The following LGR5 variants were observed in gnomAD, a reference collection of about 807,000 sequenced individuals.
LGR5 encodes leucine-rich repeat-containing G protein-coupled receptor 5.
A neutral mutation model predicts 76.7 loss-of-function variants in LGR5; 54 were observed. The observed-to-expected ratio is 0.70, with a 90% confidence interval of 0.57 to 0.88. The LOEUF (loss-of-function observed/expected upper bound fraction) is 0.88. Ranked by LOEUF, LGR5 falls within the 40% of genes least tolerant of loss-of-function variation. LGR5 has a pLI of 0.00. For missense variants in LGR5, 1,078 were observed against 1,073.3 expected, an observed-to-expected ratio of 1.00 and a Z score of -0.06; for synonymous variants, 406 against 421.9, an observed-to-expected ratio of 0.96 and a Z score of 0.46.
intron 3 of LGR5, among the ~76,000 whole-genome samples, chr12:71,525,478 T>A (rs1452961262): frequency 2.0e-5 from 3 of 151,752 alleles, no homozygotes; most frequent in Non-Finnish European, 4.4e-5. Context: ...TAATTCCTTA[T>A]GTGGTAAAAT....
rs538197568 is a variant in LGR5 at position 71,586,113 on chromosome 12, C to T, written c.*1379C>T. Reference sequence around the variant, plus strand: ...TATTACTATAGTAAAGGTTCAGTAACATTAAGGACCATGATAATGATAATA... The same window carrying T: ...TATTACTATAGTAAAGGTTCAGTAATATTAAGGACCATGATAATGATAATA... On this transcript the variant is annotated 3_prime_UTR_variant, in exon 18 of 18. Transcript: ENST00000266674. 7.2e-5 allele frequency: 11 copies of T among 152,060 alleles called. No homozygotes were observed. Among genetic ancestry groups the T allele is most frequent in the Non-Finnish European group, 1.5e-4 (10 of 68,004 alleles). The allele number at this position is 152,060 out of a possible 1,614,324, so 9.4% of individuals were successfully genotyped here. A position where few individuals can be genotyped will look rare whatever the true frequency, so the allele number is the denominator to read the frequency against.
intron 16 of LGR5, chr12:71,582,243 C>T (rs1879122665): frequency 2.1e-6 from 1 of 482,602 alleles, no homozygotes; most frequent in Admixed American, 3.4e-5. Context: ...TCTTGGGTCA[C>T]TCTCCCTCAC....
At chr12:71,445,465 C>T (rs1157520669) in intron 1 of LGR5, among the ~76,000 whole-genome samples, 2 of 152,212 alleles carry the variant, frequency 1.3e-5, no homozygotes, top group South Asian at 2.1e-4. Context: ...CTTTAATCCA[C>T]ACTTTAATTT....
Position 71,584,459 on chromosome 12 carries a change from C to T in LGR5, c.2449C>T (p.Pro817Ser). 6.2e-7 allele frequency: 1 copy of T among 1,614,184 alleles called. No homozygotes were observed. Among genetic ancestry groups the T allele is most frequent in the East Asian group, 2.2e-5 (1 of 44,884 alleles). Residue 817 changes from proline to serine, a missense_variant, in exon 18 of 18, where the codon CCC becomes TCC. Coordinates refer to ENST00000266674, the MANE Select transcript of LGR5 (RefSeq NM_003667.4). ...VVVPLPACLN[P>S]LLYILFNPHF... The stretch of plus-strand genomic sequence containing the variant: ...AGTCCCACTTCCTGCATGTCTCAAT[C>T]CCCTTCTCTACATCTTGTTCAATCC...
At chr12:71,540,573 T>C (rs181118661) in intron 4 of LGR5, among the ~76,000 whole-genome samples, 13 of 152,246 alleles carry the variant, frequency 8.5e-5, no homozygotes, top group African/African-American at 2.9e-4. Flanking sequence ...AAAATGTCAA[T>C]AACTTCATCG....
chr12:71,504,577 T>C (rs753915471), intron 1 of LGR5, 37 bp from the exon 2 acceptor site: 39 of 1,544,022 alleles, frequency 2.5e-5, no homozygotes, highest in Non-Finnish European at 3.0e-5. Context: ...GTGGTGGCAT[T>C]TGCTGCTCCT....
chr12:71,488,007 A>G (rs947276921), intron 1 of LGR5, among the ~76,000 whole-genome samples: 3 of 152,220 alleles, frequency 2.0e-5, no homozygotes, highest in Non-Finnish European at 4.4e-5. Flanking sequence ...AAGCTTTTTT[A>G]GAAAGCCAGT....
chr12:71,566,793 T>C, intron 10 of LGR5, 48 bp from the exon 11 acceptor site: 1 of 1,586,062 alleles, frequency 6.3e-7, no homozygotes. Context: ...AATATGTCAC[T>C]GTGTGATGCC....
chr12:71,581,317 T>C (rs894849437), intron 16 of LGR5, among the ~76,000 whole-genome samples: 2 of 152,240 alleles, frequency 1.3e-5, no homozygotes, highest in African/African-American at 4.8e-5. Context: ...TTTCCTTGAA[T>C]TAAGACGTTA....
At chr12:71,443,163 C>T (rs1871841707) in intron 1 of LGR5, among the ~76,000 whole-genome samples, 1 of 152,216 alleles carries the variant, frequency 6.6e-6, no homozygotes, top group African/African-American at 2.4e-5. Context: ...CAGCTGTACA[C>T]ATTTGGCAAG....
chr12:71,525,201 T>C (rs899597083), intron 3 of LGR5, among the ~76,000 whole-genome samples: 1 of 152,146 alleles, frequency 6.6e-6, no homozygotes, highest in African/African-American at 2.4e-5. Context: ...TTTTCTTTCT[T>C]TGACATAAAA....
At chr12:71,455,660 C>T (rs1872440892) in intron 1 of LGR5, among the ~76,000 whole-genome samples, 4 of 152,170 alleles carry the variant, frequency 2.6e-5, no homozygotes, top group Admixed American at 1.3e-4. Context: ...AGCAAAACCT[C>T]GTGCTGAGAA....
chr12:71,463,977 G>A (rs1872769384), intron 1 of LGR5, among the ~76,000 whole-genome samples: 1 of 152,082 alleles, frequency 6.6e-6, no homozygotes, highest in South Asian at 2.1e-4. Context: ...TGTCTCAGAG[G>A]TTAGCTGATA....
rs557130579 is a variant in LGR5, at chr12:71,529,439, G to A, written c.356+4962G>A. ...TATCATGAGAACAGCATGGCAGAAA[G>A]CGCCCCCATGATTCAATCACCTCCC... On this transcript the variant is annotated intron_variant, in intron 3 of 17. Transcript: ENST00000266674. Among the ~76,000 whole-genome samples, 5 of 152,238 alleles carry A rather than the reference G, an allele frequency of 3.3e-5. No homozygotes were observed. The South Asian group carries it at 1.0e-3, about 32-fold the overall frequency.
At chr12:71,501,469 C>T (rs1236442170) in intron 1 of LGR5, among the ~76,000 whole-genome samples, 1 of 152,182 alleles carries the variant, frequency 6.6e-6, no homozygotes, top group Non-Finnish European at 1.5e-5. Context: ...TCCTCTCTAA[C>T]AGCCAAACAT....
chr12:71,475,997 G>GC (rs1407636077), intron 1 of LGR5, among the ~76,000 whole-genome samples: 2 of 152,114 alleles, frequency 1.3e-5, no homozygotes, highest in African/African-American at 4.8e-5. Context: ...ATATGTTGGG[G>GC]ATTGACACGC....
In LGR5 at chr12:71,504,128, T is replaced by A. The variant is rs149576615; in HGVS notation, c.213-486T>A. ...AGAAGGAGGGAATAGGCTTTTTGTC[T>A]TGTTTTGTTGTTGTTGTTGTTTTAA... On this transcript the variant is annotated intron_variant, in intron 1 of 17. Transcript: ENST00000266674. Among the ~76,000 whole-genome samples, 411 of 152,106 alleles carry A rather than the reference T, an allele frequency of 2.7e-3. 3 individuals carry two copies. The highest frequency in any genetic ancestry group is 9.3e-3 in the African/African-American group (386 of 41,380).
intron 4 of LGR5, among the ~76,000 whole-genome samples, chr12:71,550,894 C>A (rs1200273243): frequency 1.3e-5 from 2 of 152,186 alleles, no homozygotes; most frequent in Admixed American, 1.3e-4. Context: ...TACATGTGTG[C>A]TTTACTTCTA....
intron 2 of LGR5, among the ~76,000 whole-genome samples, chr12:71,521,235 C>A (rs1409700899): frequency 1.3e-5 from 2 of 152,154 alleles, no homozygotes; most frequent in African/African-American, 2.4e-5. Context: ...TGATACCATA[C>A]CTTTCTCTCC....
Sources: allele counts gnomAD v4.1 joint callset (sites outside exome capture counted in the v4.1 genomes callset), GRCh38; gene constraint gnomAD v4.1.1; transcripts MANE v1.5; gene names NCBI Gene and HGNC (gene_info 2026-07-23, HGNC 2026-07-21).